The following SBF1 variants were observed in gnomAD, a reference collection of about 807,000 sequenced individuals.
SBF1 encodes the protein myotubularin-related protein 5.
Under a neutral mutation model 215.8 loss-of-function variants are expected in SBF1, and 65 were observed. The ratio of observed to expected loss-of-function variants is 0.30; its 90% CI spans 0.25 to 0.37. SBF1 has a LOEUF of 0.37. SBF1 is among the 10% of genes least tolerant of loss of function. The pLI is 1.00. For synonymous variants in SBF1, 1,410 were observed against 1,122.8 expected (o/e 1.26, Z -5.11); for missense variants, 2,634 against 2,667.8 (o/e 0.99, Z 0.28).
intron 36 of SBF1, among the ~76,000 whole-genome samples, chr22:50,452,158 A>G (rs545689195): frequency 6.1e-4 from 93 of 151,902 alleles, no homozygotes; most frequent in Non-Finnish European, 9.7e-4. Flanking sequence ...AAAAAAAAAA[A>G]AAGAAGCAGC....
intron 1 of SBF1, among the ~76,000 whole-genome samples, chr22:50,473,013 C>A (rs146716831): frequency 6.6e-6 from 1 of 152,196 alleles, no homozygotes; most frequent in African/African-American, 2.4e-5. Flanking sequence ...CCCTGTCCTG[C>A]GCAAAGGACA....
chr22:50,474,927 G>A lies in SBF1; in HGVS notation c.-87C>T, dbSNP rs1392792748. ...ACGGCGCGCTCATGGCCCGGCCCCGGCCCTGGACCGCGCACCCCGGACACC... is the reference window on the plus strand; with the variant it reads ...ACGGCGCGCTCATGGCCCGGCCCCGACCCTGGACCGCGCACCCCGGACACC... On this transcript the variant is annotated 5_prime_UTR_variant, in exon 1 of 41. Transcript: ENST00000380817. The A allele has an allele frequency of 3.8e-5, 37 of 975,478 alleles. No individual in the cohort carries two copies. The highest frequency in any genetic ancestry group is 2.6e-4 in the Admixed American group (6 of 23,102). The allele number at this position is 975,478 out of a possible 1,614,324, so 60.4% of individuals were successfully genotyped here.
At chr22:50,469,452 G>C (rs553625074) in intron 1 of SBF1, among the ~76,000 whole-genome samples, 1 of 152,220 alleles carries the variant, frequency 6.6e-6, no homozygotes, top group Non-Finnish European at 1.5e-5. Flanking sequence ...CCTGCCTGTG[G>C]CTCACCCCTG....
rs369933733 is a variant in SBF1, at chr22:50,462,155, C to A, written c.2397-36G>T. On this transcript the variant is annotated intron_variant, in intron 19 of 40. Transcript: ENST00000380817. ...GAAGAAACTGTGGGCATGGGCCCTG[C>A]CCACCACGGCCCCGCCTCCACTGGG... 32 of 1,608,316 alleles carry A rather than the reference C, an allele frequency of 2.0e-5. No homozygotes were observed. In the African/African-American group the frequency reaches 4.3e-4, roughly 21 times the overall value.
chr22:50,446,611 T>G lies in SBF1; in HGVS notation c.*531A>C, dbSNP rs929112019. The G allele has an allele frequency of 4.3e-5, 15 of 349,254 alleles. 1 individual carries two copies. The highest frequency in any genetic ancestry group is 1.9e-4 in the African/African-American group (9 of 46,600). The allele number at this position is 349,254 out of a possible 1,614,324, so 21.6% of individuals were successfully genotyped here. On this transcript the variant is annotated 3_prime_UTR_variant, in exon 41 of 41. Transcript: ENST00000380817. ...AATCAAGCAAGTCCCCAGTGAAGCC[T>G]CCTGCTCGATCCGCCCCCAGAGCAA...
chr22:50,465,475 A>G (rs1423467322), intron 10 of SBF1, 147 bp from the exon 11 acceptor site: 1 of 727,610 alleles, frequency 1.4e-6, no homozygotes, highest in East Asian at 2.7e-5. Context: ...CAGGGCCACC[A>G]GCTCCTCTGA....
intron 26 of SBF1, 33 bp from the exon 27 acceptor site, chr22:50,459,699 C>T (rs954449677): frequency 4.5e-6 from 7 of 1,551,104 alleles, no homozygotes; most frequent in African/African-American, 2.7e-5. Flanking sequence ...AGGTGGCTGG[C>T]GACCCCACCC....
intron 28 of SBF1, among the ~76,000 whole-genome samples, chr22:50,459,008 G>GGAGAGCGGGCAGGACGT (rs1399641342): frequency 2.6e-5 from 4 of 152,216 alleles, no homozygotes; most frequent in Non-Finnish European, 5.9e-5. Context: ...ACGCAGAGGT[G>GGAGAGCGGGCAGGACGT]GAGAGCGGGC....
intron 25 of SBF1, 25 bp from the exon 26 acceptor site, chr22:50,460,184 C>G (rs757056842): frequency 1.2e-6 from 2 of 1,607,762 alleles, no homozygotes; most frequent in Non-Finnish European, 1.7e-6. Context: ...CACACGTGGT[C>G]ATCACGGGGC....
At chr22:50,473,524 C>A (rs1206735666) in intron 1 of SBF1, among the ~76,000 whole-genome samples, 1 of 152,194 alleles carries the variant, frequency 6.6e-6, no homozygotes, top group Non-Finnish European at 1.5e-5. Context: ...ATAAGACACA[C>A]ACTTGGATAG....
intron 1 of SBF1, among the ~76,000 whole-genome samples, chr22:50,468,791 C>T (rs1271583406): frequency 6.6e-6 from 1 of 152,064 alleles, no homozygotes; most frequent in Non-Finnish European, 1.5e-5. Flanking sequence ...GCCCCCACAG[C>T]ATCTGCCACC....
chr22:50,461,931 G>A lies in SBF1; in HGVS notation c.2569+16C>T, dbSNP rs79074954. On this transcript the variant is annotated intron_variant, in intron 20 of 40. Transcript: ENST00000380817. ...CCACCCATCCAAGGGGGAATCACCA[G>A]CCCAAACCCCCGTACCTGGCACCAT... 949 of 1,613,982 alleles carry A rather than the reference G, an allele frequency of 5.9e-4. 9 individuals are homozygous for A. The East Asian group carries it at 0.017, about 28-fold the overall frequency.
In SBF1 at chr22:50,447,469, G is replaced by A. The variant is rs761574265; in HGVS notation, c.5452-16C>T. 3 of 1,612,604 alleles carry A rather than the reference G, an allele frequency of 1.9e-6. No homozygotes were observed. On this transcript the variant is annotated splice_polypyrimidine_tract_variant and intron_variant, in intron 39 of 40. Transcript: ENST00000380817. ...AGTAGCGCAGCTGGAGGAGGCCACA[G>A]AGTCAGCGGAGCCCCCTCCCCCGTG...
At chr22:50,457,168 C>T (rs2067288876) in intron 28 of SBF1, 57 bp from the exon 29 acceptor site, 2 of 1,369,710 alleles carry the variant, frequency 1.5e-6, no homozygotes, top group African/African-American at 1.5e-5. Context: ...GCGTGCCCAG[C>T]TTGGGGGTGC....
intron 28 of SBF1, among the ~76,000 whole-genome samples, chr22:50,458,680 T>C (rs1452210396): frequency 6.6e-6 from 1 of 152,232 alleles, no homozygotes; most frequent in Non-Finnish European, 1.5e-5. Context: ...GGGGCCAGTC[T>C]AGCTCAGTGT....
At position 50,462,503 on chromosome 22, in the gene SBF1, G is replaced by C. The variant is rs772471287; in HGVS notation, c.2128-30C>G. On this transcript the variant is annotated intron_variant, in intron 18 of 40. Transcript: ENST00000380817. ...CACGGCACCACACGCATGAGCCGGG[G>C]CCACGCTGCCCCAGCCCCTAGCCCC... is the stretch of plus-strand genomic sequence containing the variant. 16 of 1,611,646 alleles carry C rather than the reference G, an allele frequency of 9.9e-6. No homozygotes were observed. The African/African-American group carries it at 1.7e-4, about 17-fold the overall frequency.
In SBF1 at chr22:50,460,573, C is replaced by T. The variant is rs370712712; in HGVS notation, c.3107G>A (p.Arg1036Gln). The change falls in exon 24 of 41, where the codon CGG becomes CAG. Residue 1036 changes from arginine (R) to glutamine (Q), a missense_variant. Coordinates refer to ENST00000380817, the MANE Select transcript of SBF1 (RefSeq NM_002972.4). The stretch of plus-strand genomic sequence containing the variant: ...CTTGTCCTTGGTGACTCGCGGTGGC[C>T]GGCCAGGTGTGTGGGCAGAGCCCAA... Reference protein sequence around the residue: ...FTLGSAHTPGRPPRVTKDKGP... With the variant: ...FTLGSAHTPGQPPRVTKDKGP... The T allele has an allele frequency of 2.3e-5, 37 of 1,613,960 alleles. No homozygotes were observed. Among genetic ancestry groups the T allele is most frequent in the African/African-American group, 1.5e-4 (11 of 74,942 alleles).
At chr22:50,458,502 G>A (rs1047417197) in intron 28 of SBF1, among the ~76,000 whole-genome samples, 3 of 152,100 alleles carry the variant, frequency 2.0e-5, no homozygotes, top group Admixed American at 6.5e-5. Context: ...GGCCCCACCT[G>A]CAAATGCCAC....
chr22:50,462,707 G>A lies in SBF1; in HGVS notation c.1979C>T (p.Pro660Leu), dbSNP rs777899824. 1.7e-5 allele frequency: 28 copies of A among 1,611,424 alleles called. No individual in the cohort carries two copies. Among genetic ancestry groups the A allele is most frequent in the Non-Finnish European group, 2.3e-5 (27 of 1,179,250 alleles). ...GCTGTATGCAAACTGCGTCACCCCC[G>A]GGCTCAGCTTCTGCAGGAGCCAGGG... ...LVTAFCRKLS[P>L]GVTQFAYSCV... is the part of the protein sequence containing the mutation. The change falls in exon 18 of 41, where the codon CCG becomes CTG. Residue 660 changes from proline to leucine, a missense_variant. Physicochemically the swap from Pro to Leu is moderately conservative, Grantham distance 98. Coordinates refer to ENST00000380817, the MANE Select transcript of SBF1 (RefSeq NM_002972.4).
Sources: allele counts gnomAD v4.1 joint callset (sites outside exome capture counted in the v4.1 genomes callset), GRCh38; gene constraint gnomAD v4.1.1; transcripts MANE v1.5; gene names NCBI Gene and HGNC (gene_info 2026-07-23, HGNC 2026-07-21).